The following NVL variants were observed in gnomAD, a reference collection of about 807,000 sequenced individuals.
NVL encodes nuclear valosin-containing protein-like.
NVL carries 84 observed loss-of-function variants against 110.2 expected under a neutral mutation model. That is an observed-to-expected ratio of 0.76 (90% confidence interval 0.64 to 0.91). The LOEUF is 0.91. Ranked by LOEUF, NVL falls within the 40% of genes least tolerant of loss-of-function variation. The probability of loss-of-function intolerance (pLI) is 0.00; values close to 1 mark genes in which losing one functional copy is unlikely to be tolerated. For synonymous variants in NVL, 354 were observed against 361.1 expected (o/e 0.98, Z 0.22); for missense variants, 882 against 1,035.9 (o/e 0.85, Z 2.04).
chr1:224,294,199 C>T, intron 12 of NVL, 68 bp downstream of exon 12: 2 of 1,519,366 alleles, frequency 1.3e-6, no homozygotes, highest in South Asian at 2.3e-5. Flanking sequence ...TATTTCTCAC[C>T]TCTTACTTTC....
chr1:224,248,509 T>C (rs985178842), intron 19 of NVL, among the ~76,000 whole-genome samples: 1 of 152,220 alleles, frequency 6.6e-6, no homozygotes, highest in Non-Finnish European at 1.5e-5. Context: ...TTAGGAACAT[T>C]GCTAAAGGCA....
At chr1:224,264,532 C>T (rs1022948103) in intron 18 of NVL, among the ~76,000 whole-genome samples, 2 of 152,036 alleles carry the variant, frequency 1.3e-5, no homozygotes, top group Non-Finnish European at 2.9e-5. Context: ...TGAGTCACTG[C>T]ATCCAGCCAC....
intron 16 of NVL, among the ~76,000 whole-genome samples, chr1:224,280,629 T>C (rs974300186): frequency 5.3e-5 from 8 of 152,332 alleles, no homozygotes; most frequent in Admixed American, 1.3e-4. Flanking sequence ...TTAAAACAAA[T>C]GTTACCCTCA....
chr1:224,260,441 TAG>T (rs1189661796), intron 18 of NVL, among the ~76,000 whole-genome samples: 1 of 152,006 alleles, frequency 6.6e-6, no homozygotes, highest in Non-Finnish European at 1.5e-5. Flanking sequence ...GTATTTTCAG[TAG>T]AGACGGGTTT....
chr1:224,258,054 T>C (rs1453612008), intron 18 of NVL, among the ~76,000 whole-genome samples: 1 of 152,118 alleles, frequency 6.6e-6, no homozygotes, highest in Non-Finnish European at 1.5e-5. Context: ...GACAAACACA[T>C]AAATTGGAAT....
chr1:224,314,788 A>T (rs1053440365), intron 4 of NVL, among the ~76,000 whole-genome samples: 1 of 152,230 alleles, frequency 6.6e-6, no homozygotes, highest in African/African-American at 2.4e-5. Context: ...TCAGACCAAT[A>T]TGACATACAG....
In NVL at chr1:224,306,970, T is replaced by C. The variant is rs567938436; in HGVS notation, c.615+1021A>G. Among the ~76,000 whole-genome samples the C allele has an allele frequency of 3.8e-3, 583 of 152,320 alleles. 3 individuals are homozygous for C. Among genetic ancestry groups the C allele is most frequent in the African/African-American group, 0.013 (547 of 41,576 alleles). The stretch of plus-strand genomic sequence containing the variant: ...ATTAATAAATAAAAAGGGGAAAGGT[T>C]CTGCCAAATCAAAGGGCTTGGTTCT... On this transcript the variant is annotated intron_variant, in intron 6 of 22. Coordinates refer to ENST00000281701, the MANE Select transcript of NVL (RefSeq NM_002533.4).
At chr1:224,296,370 G>A in intron 11 of NVL, 131 bp downstream of exon 11, 1 of 522,026 alleles carries the variant, frequency 1.9e-6, no homozygotes, top group Non-Finnish European at 3.3e-6. Context: ...ATGAGCCACT[G>A]TGCCCAGTAT....
At position 224,308,060 on chromosome 1, in the gene NVL, C is replaced by CT; in HGVS notation, c.545dup (p.Lys183GlufsTer11). 6.3e-7 allele frequency: 1 copy of CT among 1,599,126 alleles called. No homozygotes were observed. On this transcript the variant is annotated frameshift_variant, in exon 6 of 23. Coordinates refer to ENST00000281701, the MANE Select transcript of NVL (RefSeq NM_002533.4). LOFTEE classifies it high-confidence loss of function. ...ACAGGTCCAAGAAAAAACTGTCTTT[C>CT]TTTACACTTGGGGTTTTGTCAATAA...
chr1:224,241,988 C>CTGTACTCCA (rs1202563327), intron 19 of NVL, among the ~76,000 whole-genome samples: 1 of 151,682 alleles, frequency 6.6e-6, no homozygotes, highest in Non-Finnish European at 1.5e-5. Context: ...GCCAAGACCA[C>CTGTACTCCA]GCCATTGCAC....
intron 18 of NVL, among the ~76,000 whole-genome samples, chr1:224,258,384 G>T (rs1301633481): frequency 6.6e-6 from 1 of 152,198 alleles, no homozygotes; most frequent in East Asian, 1.9e-4. Context: ...ACAATAACAG[G>T]TATTAGTAAG....
intron 12 of NVL, among the ~76,000 whole-genome samples, chr1:224,291,127 C>T (rs1667337127): frequency 6.6e-6 from 1 of 152,184 alleles, no homozygotes; most frequent in Non-Finnish European, 1.5e-5. Context: ...AGCACTTATT[C>T]AGAGGGCTGT....
At chr1:224,268,547 G>A (rs1571891288) in intron 17 of NVL, among the ~76,000 whole-genome samples, 1 of 152,246 alleles carries the variant, frequency 6.6e-6, no homozygotes, top group Admixed American at 6.5e-5. Flanking sequence ...TGCTGTCCAG[G>A]CTGGTCGTGA....
chr1:224,275,143 C>G (rs1215621351), intron 17 of NVL, among the ~76,000 whole-genome samples, 196 bp downstream of exon 17: 1 of 152,040 alleles, frequency 6.6e-6, no homozygotes, highest in East Asian at 1.9e-4. Context: ...AAATAATGTA[C>G]AGGAAAAAAA....
rs1313707277 is a variant in NVL at position 224,250,296 on chromosome 1, C to T, written c.2205G>A (p.Leu735=). The T allele has an allele frequency of 1.9e-6, 3 of 1,591,452 alleles. No individual in the cohort carries two copies. The change falls in exon 19 of 23, where the codon CTG becomes CTA. Residue 735 remains leucine, a synonymous_variant. Coordinates refer to ENST00000281701, the MANE Select transcript of NVL (RefSeq NM_002533.4). ...NRPDIIDPAI[L]RPGRLDKTLF... ...GTGTTTTGTCCAGGCGGCCCGGGCGCAGGATTGCAGGGTCAATTATATCTA... is the reference window on the plus strand; with the variant it reads ...GTGTTTTGTCCAGGCGGCCCGGGCGTAGGATTGCAGGGTCAATTATATCTA...
intron 11 of NVL, among the ~76,000 whole-genome samples, chr1:224,295,693 A>T (rs929860357): frequency 1.3e-5 from 2 of 151,360 alleles, no homozygotes; most frequent in African/African-American, 4.9e-5. Context: ...AAAAAAAAAA[A>T]ACACCCAGGC....
At chr1:224,272,906 C>T (rs1258832396) in intron 17 of NVL, among the ~76,000 whole-genome samples, 1 of 147,618 alleles carries the variant, frequency 6.8e-6, no homozygotes, top group African/African-American at 2.5e-5. Flanking sequence ...TAGTGGCGGG[C>T]GCCTGTAGTC....
At chr1:224,234,917 C>T (rs1208214797) in intron 20 of NVL, among the ~76,000 whole-genome samples, 1 of 152,150 alleles carries the variant, frequency 6.6e-6, no homozygotes, top group Non-Finnish European at 1.5e-5. Flanking sequence ...CCACCAAAAT[C>T]ACCTGTTACT....
intron 18 of NVL, among the ~76,000 whole-genome samples, chr1:224,267,469 C>T (rs1481721399): frequency 6.6e-6 from 1 of 152,000 alleles, no homozygotes. Flanking sequence ...GGGCAGATCA[C>T]CTGAGGTCAG....
Sources: gnomAD v4.1 joint callset for allele counts (sites outside exome capture counted in the v4.1 genomes callset) on GRCh38, gnomAD v4.1.1 for gene constraint, MANE v1.5 for transcripts, NCBI Gene and HGNC (gene_info 2026-07-23, HGNC 2026-07-21) for gene names.